KIRREL3: variants seen among roughly 807,000 people sequenced by gnomAD.
KIRREL3 encodes the protein kirre like nephrin family adhesion molecule 3.
KIRREL3 carries 36 observed loss-of-function variants against 89.7 expected under a neutral mutation model. The ratio of observed to expected loss-of-function variants is 0.40; its 90% CI spans 0.31 to 0.53. KIRREL3 has a LOEUF of 0.53. KIRREL3 is among the 20% of genes least tolerant of loss of function. KIRREL3 has a pLI of 0.49. For missense variants in KIRREL3, 864 were observed against 1,056.6 expected (o/e 0.82, Z 2.53); for synonymous variants, 445 against 441.4 (o/e 1.01, Z -0.10).
At chr11:126,590,524 C>A (rs1591787389) in intron 1 of KIRREL3, among the ~76,000 whole-genome samples, 1 of 152,232 alleles carries the variant, frequency 6.6e-6, no homozygotes, top group Non-Finnish European at 1.5e-5. Flanking sequence ...GCCGTGGCTG[C>A]ATGCGGCCCT....
chr11:126,451,342 A>G (rs1956134200), intron 7 of KIRREL3, among the ~76,000 whole-genome samples: 1 of 103,392 alleles, frequency 9.7e-6, no homozygotes. Flanking sequence ...GAGTGTGTGC[A>G]TGTGTGTGCG....
chr11:126,485,674 T>C lies in KIRREL3; in HGVS notation c.434-12208A>G, dbSNP rs1175017921. 1.3e-5 allele frequency among the ~76,000 whole-genome samples: 2 copies of C among 151,856 alleles called. No homozygotes were observed. The highest frequency in any genetic ancestry group is 2.9e-5 in the Non-Finnish European group (2 of 68,046). Reference sequence around the variant, plus strand: ...TGTTTATTTAATAAGTAACTCCACATGGGGGCAGAGTAGCATATTGCATGT... The same window carrying C: ...TGTTTATTTAATAAGTAACTCCACACGGGGGCAGAGTAGCATATTGCATGT... On this transcript the variant is annotated intron_variant, in intron 4 of 16. Coordinates refer to ENST00000525144, the MANE Select transcript of KIRREL3 (RefSeq NM_032531.4). The surrounding 1 kb of genome is among the most constrained non-coding windows in gnomAD (Gnocchi z 5.8).
chr11:126,458,375 T>C (rs1278462539), intron 6 of KIRREL3, among the ~76,000 whole-genome samples: 1 of 152,146 alleles, frequency 6.6e-6, no homozygotes, highest in Non-Finnish European at 1.5e-5. Context: ...TGGGCTCTGG[T>C]TGGGACTACG....
At chr11:126,632,501 A>C (rs1293057077) in intron 1 of KIRREL3, among the ~76,000 whole-genome samples, 1 of 152,248 alleles carries the variant, frequency 6.6e-6, no homozygotes, top group Non-Finnish European at 1.5e-5. Context: ...GGAAGGCAGC[A>C]CTGAATAGCT....
rs1490907205 is a variant in KIRREL3, at chr11:126,608,820, A to G, written c.56-45908T>C. On this transcript the variant is annotated intron_variant, in intron 1 of 16. Transcript: ENST00000525144. This position sits in a 1 kb window ranked among gnomAD's most constrained non-coding sequence, Gnocchi z 4.9. ...CCTGGGGCCTAACTGCTGGGAGTGC[A>G]CTTCTGGAGTGGAGATGGGCAATGG... 6.6e-6 allele frequency among the ~76,000 whole-genome samples: 1 copy of G among 152,102 alleles called. No individual in the cohort carries two copies. Among genetic ancestry groups the G allele is most frequent in the Non-Finnish European group, 1.5e-5 (1 of 68,022 alleles).
chr11:126,792,203 A>T (rs1950666416), intron 1 of KIRREL3, among the ~76,000 whole-genome samples: 1 of 152,206 alleles, frequency 6.6e-6, no homozygotes, highest in Non-Finnish European at 1.5e-5. Context: ...ACTGTGAGTC[A>T]TTTAACCTCA....
chr11:126,865,242 G>A (rs1206175849), intron 1 of KIRREL3, among the ~76,000 whole-genome samples: 2 of 152,168 alleles, frequency 1.3e-5, no homozygotes, highest in East Asian at 1.9e-4. Context: ...CTGTCTAAAC[G>A]TCAATGATTA....
At chr11:126,434,704 C>T (rs1002680578) in intron 13 of KIRREL3, among the ~76,000 whole-genome samples, 8 of 152,120 alleles carry the variant, frequency 5.3e-5, no homozygotes, top group South Asian at 2.1e-4. Context: ...TGCTTTGCTG[C>T]GTGTGCCTGG....
At position 126,686,103 on chromosome 11, in the gene KIRREL3, G is replaced by A. The variant is rs550185203; in HGVS notation, c.56-123191C>T. Reference sequence around the variant, plus strand: ...GCAAACCCTGCCTCAGATGGCCCCCGAGTCCATCAGCAGCTCCTTCCCTGT... The same window carrying A: ...GCAAACCCTGCCTCAGATGGCCCCCAAGTCCATCAGCAGCTCCTTCCCTGT... On this transcript the variant is annotated intron_variant, in intron 1 of 16. Coordinates refer to ENST00000525144, the MANE Select transcript of KIRREL3 (RefSeq NM_032531.4). This position sits in a 1 kb window ranked among gnomAD's most constrained non-coding sequence, Gnocchi z 4.7. 3.9e-5 allele frequency among the ~76,000 whole-genome samples: 6 copies of A among 152,278 alleles called. No homozygotes were observed. The highest frequency in any genetic ancestry group is 6.5e-5 in the Admixed American group (1 of 15,294).
chr11:126,936,191 G>C (rs969114507), intron 1 of KIRREL3: 1 of 152,100 alleles, frequency 6.6e-6, no homozygotes, highest in African/African-American at 2.4e-5. Flanking sequence ...ACCACAATGA[G>C]ATACCACTTC....
chr11:126,711,689 A>G (rs906158506), intron 1 of KIRREL3, among the ~76,000 whole-genome samples: 1 of 152,234 alleles, frequency 6.6e-6, no homozygotes, highest in South Asian at 2.1e-4. Context: ...TAGAAATTCT[A>G]ATTTAGTAGG....
intron 4 of KIRREL3, among the ~76,000 whole-genome samples, chr11:126,500,643 G>A (rs545799954): frequency 1.3e-5 from 2 of 151,728 alleles, no homozygotes; most frequent in Non-Finnish European, 2.9e-5. Context: ...GGGAGGCTGA[G>A]GTAAGATAAT....
At chr11:126,784,047 C>T (rs1950407858) in intron 1 of KIRREL3, among the ~76,000 whole-genome samples, 1 of 152,114 alleles carries the variant, frequency 6.6e-6, no homozygotes, top group Admixed American at 6.6e-5. Context: ...GACACCTGGC[C>T]AGTACTCCCC....
intron 1 of KIRREL3, among the ~76,000 whole-genome samples, chr11:126,707,487 A>C (rs1357924083): frequency 1.3e-5 from 2 of 152,042 alleles, no homozygotes; most frequent in East Asian, 3.9e-4. Context: ...TTGGTCATAT[A>C]CTAACTGCCC....
rs557669996 is a variant in KIRREL3 at position 126,450,687 on chromosome 11, CGT to C, written c.849-1532_849-1531del. Among the ~76,000 whole-genome samples the C allele has an allele frequency of 1.9e-3, 229 of 118,782 alleles. 1 individual carries two copies. The highest frequency in any genetic ancestry group is 7.5e-3 in the African/African-American group (218 of 28,954). The allele number at this position is 118,782 out of a possible 152,430, so 77.9% of individuals were successfully genotyped here. ...TGTGTGTGTGTCCATGTGCATGGTG[CGT>C]GTGTGGTGCGTGCATGTGCGAGTTT... On this transcript the variant is annotated intron_variant, in intron 7 of 16. Coordinates refer to ENST00000525144, the MANE Select transcript of KIRREL3 (RefSeq NM_032531.4).
At chr11:126,716,060 T>C (rs1241708702) in intron 1 of KIRREL3, among the ~76,000 whole-genome samples, 1 of 150,456 alleles carries the variant, frequency 6.6e-6, no homozygotes, top group Non-Finnish European at 1.5e-5. Context: ...TGAGGGGGAA[T>C]GTGGGAGGTG....
Position 126,755,823 on chromosome 11 carries a change from C to CAGAGAG in KIRREL3, c.56-192917_56-192912dup, listed in dbSNP as rs10616492. Among the ~76,000 whole-genome samples the CAGAGAG allele has an allele frequency of 6.8e-6, 1 of 147,920 alleles. No homozygotes were observed. Among genetic ancestry groups the CAGAGAG allele is most frequent in the Non-Finnish European group, 1.5e-5 (1 of 67,210 alleles). On this transcript the variant is annotated intron_variant, in intron 1 of 16. Transcript: ENST00000525144. This position sits in a 1 kb window ranked among gnomAD's most constrained non-coding sequence, Gnocchi z 4.3. ...GCGTGCTCGCCATCTGCCATTCAGG[C>CAGAGAG]AGAGAGAGAGAGAGAGAGAGAGAGA...
At chr11:126,777,025 ACT>A (rs1451497836) in intron 1 of KIRREL3, among the ~76,000 whole-genome samples, 13 of 151,994 alleles carry the variant, frequency 8.6e-5, no homozygotes. Context: ...CAGGAGAGAA[ACT>A]CTCTCCTTTC....
chr11:126,457,379 G>A (rs1304921839), intron 6 of KIRREL3, among the ~76,000 whole-genome samples: 18 of 150,026 alleles, frequency 1.2e-4, no homozygotes, highest in African/African-American at 4.2e-4. Flanking sequence ...GCGTGTATGT[G>A]TGTATGCGTG....
Sources: gnomAD v4.1 joint callset for allele counts (sites outside exome capture counted in the v4.1 genomes callset) on GRCh38, gnomAD v4.1.1 for gene constraint, Gnocchi (gnomAD v3.1) non-coding constraint, MANE v1.5 for transcripts, NCBI Gene and HGNC (gene_info 2026-07-23, HGNC 2026-07-21) for gene names.